Variants in CELF1 observed in about 807,000 individuals in gnomAD.
The protein encoded by CELF1 is 50 kDa nuclear polyadenylated RNA-binding protein.
A neutral mutation model predicts 61.8 loss-of-function variants in CELF1; 10 were observed. That is an observed-to-expected ratio of 0.16 (90% CI 0.10 to 0.27). The LOEUF (loss-of-function observed/expected upper bound fraction) is 0.27. Among genes scored for constraint, CELF1 ranks in the 10% least tolerant of loss-of-function variants. The probability of loss-of-function intolerance (pLI) is 1.00; values close to 1 mark genes in which losing one functional copy is unlikely to be tolerated. For missense variants in CELF1, 380 were observed against 639.1 expected, an observed-to-expected ratio of 0.59 and a Z score of 4.37; for synonymous variants, 236 against 225.1, an observed-to-expected ratio of 1.05 and a Z score of -0.43.
chr11:47,517,152 C>T (rs1021720754), intron 1 of CELF1, among the ~76,000 whole-genome samples: 5 of 149,752 alleles, frequency 3.3e-5, no homozygotes, highest in East Asian at 2.0e-4. Flanking sequence ...GAAGCTGAGG[C>T]GGGAGAATCA....
intron 1 of CELF1, among the ~76,000 whole-genome samples, chr11:47,541,718 G>A (rs1314717757): frequency 9.0e-4 from 6 of 6,640 alleles, no homozygotes; most frequent in African/African-American, 2.1e-3. Flanking sequence ...AAGAAAGAAA[G>A]AAAGAAAGAA....
At chr11:47,490,755 A>C (rs1384307829) in intron 3 of CELF1, among the ~76,000 whole-genome samples, 1 of 152,116 alleles carries the variant, frequency 6.6e-6, no homozygotes, top group Non-Finnish European at 1.5e-5. Context: ...ACAACAACAA[A>C]AAAATCATTT....
At chr11:47,543,331 G>A (rs2096857343) in intron 1 of CELF1, among the ~76,000 whole-genome samples, 1 of 152,056 alleles carries the variant, frequency 6.6e-6, no homozygotes. Context: ...TGAGGCCTGG[G>A]AGGTTGAGGC....
chr11:47,501,430 C>G (rs778490031), intron 1 of CELF1, among the ~76,000 whole-genome samples: 1 of 152,126 alleles, frequency 6.6e-6, no homozygotes, highest in Non-Finnish European at 1.5e-5. Flanking sequence ...TAGAAAGCTG[C>G]CTAGACCAAA....
chr11:47,505,951 AAAGT>A (rs1351443967), intron 1 of CELF1, among the ~76,000 whole-genome samples: 2 of 150,064 alleles, frequency 1.3e-5, no homozygotes, highest in African/African-American at 4.9e-5. Flanking sequence ...AAAAAAAAAA[AAAGT>A]ATGTTGAACA....
upstream of CELF1, chr11:47,553,167 G>A: frequency 2.5e-6 from 1 of 394,110 alleles, no homozygotes; most frequent in Non-Finnish European, 4.5e-6. Context: ...CCTACCACCG[G>A]CGGGGAGGGC....
chr11:47,487,137 T>C (rs1472895317), intron 5 of CELF1, 22 bp downstream of exon 5: 2 of 1,568,304 alleles, frequency 1.3e-6, no homozygotes, highest in South Asian at 2.2e-5. Flanking sequence ...ACATTTCCAT[T>C]TACTAGTGGG....
At chr11:47,505,505 T>C (rs1416415155) in intron 1 of CELF1, among the ~76,000 whole-genome samples, 2 of 150,526 alleles carry the variant, frequency 1.3e-5, no homozygotes, top group African/African-American at 4.8e-5. Context: ...TAGCCGGCCA[T>C]GGTGGCAGGC....
At chr11:47,551,220 A>G (rs560501227) in intron 1 of CELF1, among the ~76,000 whole-genome samples, 112 of 152,276 alleles carry the variant, frequency 7.4e-4, no homozygotes, top group Non-Finnish European at 5.7e-4. Flanking sequence ...TTTTCTTTAA[A>G]GGGGTCAGAA....
chr11:47,548,841 G>A (rs1352266566), intron 1 of CELF1, among the ~76,000 whole-genome samples: 2 of 147,514 alleles, frequency 1.4e-5, no homozygotes, highest in Admixed American at 6.8e-5. Flanking sequence ...ACTCCAGCCT[G>A]GGCAACAGAG....
At chr11:47,494,473 G>A in intron 3 of CELF1, 9 of 983,892 alleles carry the variant, frequency 9.1e-6, no homozygotes, top group Non-Finnish European at 9.7e-6. Flanking sequence ...GGATACAATT[G>A]GGAAGAGACA....
chr11:47,551,877 GC>G (rs753925882), intron 1 of CELF1, among the ~76,000 whole-genome samples: 2 of 152,070 alleles, frequency 1.3e-5, no homozygotes, highest in Non-Finnish European at 2.9e-5. Flanking sequence ...AATTAGCCAG[GC>G]CTGGTGGCAC....
chr11:47,506,415 C>G (rs913895206), intron 1 of CELF1, among the ~76,000 whole-genome samples: 1 of 151,126 alleles, frequency 6.6e-6, no homozygotes, highest in Non-Finnish European at 1.5e-5. Context: ...GGTGACAGAG[C>G]GAGACTCCGG....
chr11:47,563,495 G>A (rs954501881), intron 2 of CELF1, among the ~76,000 whole-genome samples: 6 of 152,108 alleles, frequency 3.9e-5, no homozygotes, highest in African/African-American at 1.4e-4. Context: ...AGAGCAGCCC[G>A]GCCAACATGG....
chr11:47,480,862 C>T (rs1007073536), intron 9 of CELF1, among the ~76,000 whole-genome samples: 12 of 152,124 alleles, frequency 7.9e-5, no homozygotes, highest in African/African-American at 2.7e-4. Context: ...TAAGCAAAAC[C>T]CTGTCTCTAC....
At chr11:47,542,496 A>ATTT (rs112443041) in intron 1 of CELF1, among the ~76,000 whole-genome samples, 10 of 121,820 alleles carry the variant, frequency 8.2e-5, no homozygotes, top group Non-Finnish European at 1.1e-4. Context: ...TACTTTCTCC[A>ATTT]TTTTTTTTTT....
At chr11:47,492,772 T>C (rs988395690) in intron 3 of CELF1, among the ~76,000 whole-genome samples, 1 of 152,130 alleles carries the variant, frequency 6.6e-6, no homozygotes, top group Non-Finnish European at 1.5e-5. Context: ...AAACACTGGC[T>C]CCCTACAACC....
intron 1 of CELF1, among the ~76,000 whole-genome samples, chr11:47,503,456 T>C (rs1432833056): frequency 6.6e-6 from 1 of 152,164 alleles, no homozygotes; most frequent in Non-Finnish European, 1.5e-5. Flanking sequence ...AAGTAAAGTC[T>C]AGTTATATAA....
intron 6 of CELF1, among the ~76,000 whole-genome samples, chr11:47,485,784 G>A (rs1226735615): frequency 6.7e-6 from 1 of 150,156 alleles, no homozygotes; most frequent in Non-Finnish European, 1.5e-5. Flanking sequence ...GTTTCACCAT[G>A]TTGGCCGGGT....
Sources: allele counts gnomAD v4.1 joint callset (sites outside exome capture counted in the v4.1 genomes callset), GRCh38; gene constraint gnomAD v4.1.1; transcripts MANE v1.5; gene names NCBI Gene and HGNC (gene_info 2026-07-23, HGNC 2026-07-21).